The following NXPE2 variants were observed in gnomAD, a reference collection of about 807,000 sequenced individuals.
The protein encoded by NXPE2 is NXPE family member 2.
Under a neutral mutation model 34.4 loss-of-function variants are expected in NXPE2, and 34 were observed. That is an observed-to-expected ratio of 0.99 (90% CI 0.75 to 1.31). The LOEUF (loss-of-function observed/expected upper bound fraction) is 1.31, where lower values mean the gene tolerates loss of function less well. Among genes scored for constraint, NXPE2 ranks in the 40% most tolerant of loss-of-function variants. The pLI is 0.00. For synonymous variants in NXPE2, 235 were observed against 231.3 expected, an observed-to-expected ratio of 1.02 and a Z score of -0.15; for missense variants, 649 against 672.5, an observed-to-expected ratio of 0.97 and a Z score of 0.39.
the NXPE2 span, among the ~76,000 whole-genome samples, chr11:114,542,883 C>T: frequency 3.8e-3 from 583 of 152,206 alleles, 5 homozygotes; most frequent in African/African-American, 0.013. Context: ...ATGATTATAA[C>T]ACAAAACAAT....
At chr11:114,683,109 A>G (rs1950976956) in intron 2 of NXPE2, among the ~76,000 whole-genome samples, 1 of 152,150 alleles carries the variant, frequency 6.6e-6, no homozygotes, top group Non-Finnish European at 1.5e-5. Flanking sequence ...AAAGACCATT[A>G]TAATTTCCCT....
chr11:114,598,722 G>T, the NXPE2 span, among the ~76,000 whole-genome samples: 1 of 152,018 alleles, frequency 6.6e-6, no homozygotes, highest in South Asian at 2.1e-4. Flanking sequence ...GTGTTTTGAG[G>T]CTGTGCAGGG....
chr11:114,701,660 G>T (rs1951367388), intron 3 of NXPE2, among the ~76,000 whole-genome samples: 1 of 152,062 alleles, frequency 6.6e-6, no homozygotes, highest in African/African-American at 2.4e-5. Flanking sequence ...TAAGCTCTAG[G>T]GTCCCTTCCT....
At chr11:114,531,016 CAATTT>C in the NXPE2 span, 2 of 1,157,724 alleles carry the variant, frequency 1.7e-6, no homozygotes, top group African/African-American at 3.1e-5. Context: ...TAATTGAATT[CAATTT>C]GTTACCAAAT....
chr11:114,712,743 A>C, the NXPE2 span, among the ~76,000 whole-genome samples: 2 of 152,222 alleles, frequency 1.3e-5, no homozygotes, highest in African/African-American at 4.8e-5. Context: ...TAGAATTGCC[A>C]TACAATCCAA....
At chr11:114,813,457 G>C in the NXPE2 span, among the ~76,000 whole-genome samples, 1 of 152,148 alleles carries the variant, frequency 6.6e-6, no homozygotes, top group Non-Finnish European at 1.5e-5. Flanking sequence ...TGGCATCTGC[G>C]AGCTGCAGCT....
the NXPE2 span, among the ~76,000 whole-genome samples, chr11:114,737,899 A>G: frequency 1.3e-5 from 2 of 152,078 alleles, no homozygotes. Context: ...CCTGGGCAAC[A>G]TGGTGAAACC....
chr11:114,553,566 C>G, the NXPE2 span: 2 of 262,178 alleles, frequency 7.6e-6, no homozygotes, highest in Non-Finnish European at 1.2e-5. Context: ...ATTTTTGCAT[C>G]TATTTTCTAC....
chr11:114,538,673 A>G, the NXPE2 span, among the ~76,000 whole-genome samples: 1 of 152,248 alleles, frequency 6.6e-6, no homozygotes, highest in Non-Finnish European at 1.5e-5. Flanking sequence ...GCCAAAAAAC[A>G]CGTGAAAAAA....
At chr11:114,712,917 A>G in the NXPE2 span, among the ~76,000 whole-genome samples, 1 of 152,232 alleles carries the variant, frequency 6.6e-6, no homozygotes, top group Non-Finnish European at 1.5e-5. Flanking sequence ...AAAATGTGGC[A>G]TATACATACA....
chr11:114,709,032 C>A (rs747751311), downstream of NXPE2, among the ~76,000 whole-genome samples: 10 of 152,194 alleles, frequency 6.6e-5, no homozygotes, highest in Non-Finnish European at 1.0e-4. Flanking sequence ...TAAATGTGAT[C>A]CATTAGCCCC....
chr11:114,751,463 A>C, the NXPE2 span, among the ~76,000 whole-genome samples: 1 of 152,178 alleles, frequency 6.6e-6, no homozygotes, highest in Non-Finnish European at 1.5e-5. Flanking sequence ...ATATTAGTTC[A>C]GTGATATATC....
At chr11:114,603,327 G>A in the NXPE2 span, among the ~76,000 whole-genome samples, 1 of 150,732 alleles carries the variant, frequency 6.6e-6, no homozygotes, top group African/African-American at 2.4e-5. Context: ...TGGGTGATAA[G>A]TATTGCCTCA....
At chr11:114,561,887 G>A in the NXPE2 span, among the ~76,000 whole-genome samples, 1 of 152,074 alleles carries the variant, frequency 6.6e-6, no homozygotes, top group Non-Finnish European at 1.5e-5. Flanking sequence ...GAATTCTTGA[G>A]TTAACATTTT....
the NXPE2 span, among the ~76,000 whole-genome samples, chr11:114,810,899 A>T: frequency 2.0e-5 from 3 of 152,046 alleles, no homozygotes; most frequent in Non-Finnish European, 4.4e-5. Flanking sequence ...ATATGTTTAT[A>T]GTGGCACTAT....
At chr11:114,611,267 A>C in the NXPE2 span, among the ~76,000 whole-genome samples, 2 of 151,692 alleles carry the variant, frequency 1.3e-5, no homozygotes, top group South Asian at 4.1e-4. Flanking sequence ...TAGGGTAACC[A>C]CTGTTACCCT....
At chr11:114,693,581 G>T (rs1046388451) in intron 2 of NXPE2, among the ~76,000 whole-genome samples, 1 of 152,166 alleles carries the variant, frequency 6.6e-6, no homozygotes, top group African/African-American at 2.4e-5. Flanking sequence ...GCCCACAAAA[G>T]GTGGGTTGAA....
the NXPE2 span, among the ~76,000 whole-genome samples, chr11:114,790,414 T>C: frequency 6.6e-6 from 1 of 152,158 alleles, no homozygotes; most frequent in Non-Finnish European, 1.5e-5. Context: ...CTAAGATAGG[T>C]ATTTCATCCC....
the NXPE2 span, among the ~76,000 whole-genome samples, chr11:114,717,640 T>G: frequency 3.3e-5 from 5 of 152,334 alleles, no homozygotes; most frequent in Non-Finnish European, 5.9e-5. Flanking sequence ...CCACACATCT[T>G]TCAGGTAGAA....
Sources: allele counts gnomAD v4.1 joint callset (sites outside exome capture counted in the v4.1 genomes callset), GRCh38; gene constraint gnomAD v4.1.1; transcripts MANE v1.5; gene names NCBI Gene and HGNC (gene_info 2026-07-23, HGNC 2026-07-21).